Variants in RASSF3 observed in about 807,000 individuals in gnomAD.
RASSF3 encodes Ras association domain family member 3, also known as ras association domain-containing protein 3.
In RASSF3, 19 loss-of-function variants were observed where a neutral mutation model predicts 19.9. That is an observed-to-expected ratio of 0.96 (90% confidence interval 0.67 to 1.40). The LOEUF (loss-of-function observed/expected upper bound fraction) is 1.40. Among genes scored for constraint, RASSF3 ranks in the 40% most tolerant of loss-of-function variants. RASSF3 has a pLI of 0.00. For missense variants in RASSF3, 306 were observed against 289.8 expected (o/e 1.06, Z -0.41); for synonymous variants, 110 against 104.2 (o/e 1.06, Z -0.34).
intron 1 of RASSF3, among the ~76,000 whole-genome samples, chr12:64,656,653 G>A (rs1483072874): frequency 6.6e-6 from 1 of 152,128 alleles, no homozygotes; most frequent in African/African-American, 2.4e-5. Context: ...ACAAGCCTGA[G>A]TCTATAAACT....
chr12:64,680,567 G>T (rs1201769583), intron 1 of RASSF3, among the ~76,000 whole-genome samples: 1 of 151,966 alleles, frequency 6.6e-6, no homozygotes, highest in African/African-American at 2.4e-5. Context: ...GGGCCCTTGG[G>T]GTTTTACCTG....
At chr12:64,638,641 A>G (rs1050243745) in intron 1 of RASSF3, among the ~76,000 whole-genome samples, 28 of 151,738 alleles carry the variant, frequency 1.8e-4, no homozygotes, top group Non-Finnish European at 8.8e-5. Context: ...AAAAGAAAAC[A>G]TTGCATCATA....
chr12:64,611,959 A>G (rs1346339844), intron 1 of RASSF3, among the ~76,000 whole-genome samples: 1 of 152,192 alleles, frequency 6.6e-6, no homozygotes, highest in Non-Finnish European at 1.5e-5. Flanking sequence ...GCCCTTATTC[A>G]GTAACCGCAG....
chr12:64,564,206 A>G (rs1869392182), intron 2 of RASSF3, among the ~76,000 whole-genome samples: 1 of 152,154 alleles, frequency 6.6e-6, no homozygotes, highest in Non-Finnish European at 1.5e-5. Flanking sequence ...ACTGACAGAC[A>G]ATATTTGCTG....
At chr12:64,655,574 A>C (rs1487617296) in intron 1 of RASSF3, among the ~76,000 whole-genome samples, 1 of 151,958 alleles carries the variant, frequency 6.6e-6, no homozygotes. Flanking sequence ...CGGCCTCCCA[A>C]ATTATTGGGA....
intron 1 of RASSF3, among the ~76,000 whole-genome samples, chr12:64,516,525 A>G (rs1020769655): frequency 6.7e-6 from 1 of 149,876 alleles, no homozygotes; most frequent in Non-Finnish European, 1.5e-5. Flanking sequence ...AGGCTGAGGC[A>G]GGAGAATGGC....
intron 2 of RASSF3, among the ~76,000 whole-genome samples, chr12:64,557,957 C>T (rs1445814761): frequency 6.6e-6 from 1 of 152,116 alleles, no homozygotes; most frequent in African/African-American, 2.4e-5. Context: ...TTGTATAAGA[C>T]CCCAGACAGT....
downstream of RASSF3, among the ~76,000 whole-genome samples, chr12:64,543,365 C>T (rs1296023620): frequency 6.6e-6 from 1 of 150,410 alleles, no homozygotes; most frequent in Non-Finnish European, 1.5e-5. Flanking sequence ...TAGCTGCCTC[C>T]CCACGGGGCA....
intron 1 of RASSF3, among the ~76,000 whole-genome samples, chr12:64,645,397 C>G (rs1413326001): frequency 1.3e-5 from 2 of 151,898 alleles, no homozygotes; most frequent in African/African-American, 4.8e-5. Flanking sequence ...GGCATGGCAG[C>G]TCATATTTTC....
chr12:64,545,877 C>G (rs772394159), downstream of RASSF3, among the ~76,000 whole-genome samples: 3 of 151,720 alleles, frequency 2.0e-5, no homozygotes, highest in Non-Finnish European at 4.4e-5. Context: ...GACCCTGCCT[C>G]GAAGAAAAAA....
chr12:64,672,559 T>C (rs1229847050), intron 1 of RASSF3, among the ~76,000 whole-genome samples: 1 of 152,186 alleles, frequency 6.6e-6, no homozygotes, highest in Non-Finnish European at 1.5e-5. Context: ...GATCTTGCTC[T>C]GTTGCCCAGG....
At chr12:64,619,714 G>A (rs559875859) in intron 1 of RASSF3, among the ~76,000 whole-genome samples, 1 of 152,174 alleles carries the variant, frequency 6.6e-6, no homozygotes, top group South Asian at 2.1e-4. Context: ...AGGCGTGGTG[G>A]CTCACGCCTG....
At chr12:64,693,173 A>T (rs1868309674) in intron 4 of RASSF3, among the ~76,000 whole-genome samples, 1 of 140,976 alleles carries the variant, frequency 7.1e-6, no homozygotes. Context: ...TTAAATAACC[A>T]GCCTAAACTG....
upstream of RASSF3, among the ~76,000 whole-genome samples, chr12:64,607,418 A>G (rs1398198750): frequency 1.3e-5 from 2 of 152,088 alleles, no homozygotes; most frequent in East Asian, 1.9e-4. Flanking sequence ...CGCCCAGGAT[A>G]GAGTGCAGTG....
downstream of RASSF3, among the ~76,000 whole-genome samples, chr12:64,546,019 C>T (rs1869046602): frequency 6.8e-6 from 1 of 147,530 alleles, no homozygotes; most frequent in Admixed American, 7.0e-5. Flanking sequence ...TGGCGTGAAC[C>T]AGGGAGGCGA....
chr12:64,566,736 C>T (rs1869437909), intron 2 of RASSF3, among the ~76,000 whole-genome samples: 1 of 152,100 alleles, frequency 6.6e-6, no homozygotes, highest in Non-Finnish European at 1.5e-5. Flanking sequence ...GTGAGAAGCC[C>T]ACAGTGAGAC....
chr12:64,695,024 C>G lies in RASSF3; in HGVS notation c.*112C>G. 1 of 1,171,454 alleles carries G rather than the reference C, an allele frequency of 8.5e-7. No homozygotes were observed. The highest frequency in any genetic ancestry group is 1.2e-6 in the Non-Finnish European group (1 of 843,748). The allele number at this position is 1,171,454 out of a possible 1,614,324, so 72.6% of individuals were successfully genotyped here. A position where few individuals can be genotyped will look rare whatever the true frequency, so the allele number is the denominator to read the frequency against. On this transcript the variant is annotated 3_prime_UTR_variant, in exon 5 of 5. Transcript: ENST00000542104. Reference sequence around the variant, plus strand: ...TGCCCCACTATGCTAGGGTCTTCGCCTTTCTATCTGTAGATTTTGTTCCCC... The same window carrying G: ...TGCCCCACTATGCTAGGGTCTTCGCGTTTCTATCTGTAGATTTTGTTCCCC...
chr12:64,567,446 G>T (rs1275158154), intron 2 of RASSF3, among the ~76,000 whole-genome samples: 6 of 152,164 alleles, frequency 3.9e-5, no homozygotes, highest in Non-Finnish European at 8.8e-5. Flanking sequence ...TCCAGCCAAT[G>T]AAATGTGAGT....
upstream of RASSF3, among the ~76,000 whole-genome samples, chr12:64,528,484 T>C (rs181605525): frequency 6.6e-6 from 1 of 152,304 alleles, no homozygotes; most frequent in Admixed American, 6.5e-5. Flanking sequence ...GAATTCAGAT[T>C]TCTTTCTAAC....
Sources: allele counts gnomAD v4.1 joint callset (sites outside exome capture counted in the v4.1 genomes callset), GRCh38; gene constraint gnomAD v4.1.1; transcripts MANE v1.5; gene names NCBI Gene and HGNC (gene_info 2026-07-23, HGNC 2026-07-21).